GULP1: variants seen among roughly 807,000 people sequenced by gnomAD.
GULP1 encodes PTB domain-containing engulfment adapter protein 1.
In GULP1, 19 loss-of-function variants were observed where a neutral mutation model predicts 40.9. The ratio of observed to expected loss-of-function variants is 0.46; its 90% CI spans 0.32 to 0.68. The LOEUF (loss-of-function observed/expected upper bound fraction) is 0.68, where lower values mean the gene tolerates loss of function less well. GULP1 is among the 30% of genes least tolerant of loss of function. The pLI is 0.03. For missense variants in GULP1, 312 were observed against 362.2 expected (o/e 0.86, Z 1.12); for synonymous variants, 119 against 117.6 (o/e 1.01, Z -0.08).
intron 2 of GULP1, among the ~76,000 whole-genome samples, chr2:188,389,511 G>A (rs986921744): frequency 8.5e-5 from 13 of 152,106 alleles, no homozygotes; most frequent in Non-Finnish European, 1.6e-4. Flanking sequence ...TAAAAGCTGA[G>A]ATAAATGTAT....
At chr2:188,492,827 G>A (rs1451845754) in intron 4 of GULP1, among the ~76,000 whole-genome samples, 2 of 151,946 alleles carry the variant, frequency 1.3e-5, no homozygotes, top group African/African-American at 4.8e-5. Context: ...GATTATGAAA[G>A]TCATTAAGTG....
intron 2 of GULP1, among the ~76,000 whole-genome samples, chr2:188,420,262 A>G (rs1015335895): frequency 2.0e-5 from 3 of 152,184 alleles, no homozygotes; most frequent in African/African-American, 7.2e-5. Flanking sequence ...GAATGTGTAG[A>G]TTACTTTGAG....
chr2:188,379,874 T>G (rs764543001), intron 1 of GULP1, among the ~76,000 whole-genome samples: 1 of 152,232 alleles, frequency 6.6e-6, no homozygotes, highest in African/African-American at 2.4e-5. Flanking sequence ...CATCCGTGGC[T>G]TTCCCCACCA....
Position 188,505,550 on chromosome 2 carries a change from A to G in GULP1, c.91-17206A>G, listed in dbSNP as rs560777757. On this transcript the variant is annotated intron_variant, in intron 4 of 11. Transcript: ENST00000409830. Reference sequence around the variant, plus strand: ...AATGTATAGTATTCTATATAAATATAGAATCACACACTCTTCTGAGGTACT... The same window carrying G: ...AATGTATAGTATTCTATATAAATATGGAATCACACACTCTTCTGAGGTACT... 7.2e-5 allele frequency among the ~76,000 whole-genome samples: 11 copies of G among 151,942 alleles called. No homozygotes were observed. In the South Asian group the frequency reaches 2.3e-3, roughly 31 times the overall value.
chr2:188,298,370 A>T (rs1362113000), intron 1 of GULP1, among the ~76,000 whole-genome samples: 2 of 151,714 alleles, frequency 1.3e-5, no homozygotes, highest in African/African-American at 4.8e-5. Flanking sequence ...ATATAATTAG[A>T]GGGTGTTTAT....
At chr2:188,479,059 CAAA>C (rs996656876) in intron 3 of GULP1, among the ~76,000 whole-genome samples, 6 of 151,992 alleles carry the variant, frequency 3.9e-5, no homozygotes, top group African/African-American at 1.4e-4. Context: ...TAGTAAAGGA[CAAA>C]TAGGTGTAAA....
chr2:188,308,130 G>A (rs1204590136), intron 1 of GULP1, among the ~76,000 whole-genome samples: 2 of 150,008 alleles, frequency 1.3e-5, no homozygotes, highest in African/African-American at 2.5e-5. Flanking sequence ...TTTTTCCCCC[G>A]GTGGCCTGCA....
At chr2:188,555,774 A>T (rs1694585355) in intron 7 of GULP1, among the ~76,000 whole-genome samples, 1 of 152,084 alleles carries the variant, frequency 6.6e-6, no homozygotes, top group East Asian at 1.9e-4. Flanking sequence ...GAGAGTTTTC[A>T]TCTAGGCTGG....
At chr2:188,372,280 C>T (rs2047698655) in intron 1 of GULP1, among the ~76,000 whole-genome samples, 1 of 152,046 alleles carries the variant, frequency 6.6e-6, no homozygotes, top group Non-Finnish European at 1.5e-5. Context: ...CTAGTACTTT[C>T]TACTTACTAA....
intron 1 of GULP1, among the ~76,000 whole-genome samples, chr2:188,344,326 A>G (rs1034289750): frequency 6.6e-6 from 1 of 152,166 alleles, no homozygotes; most frequent in Admixed American, 6.5e-5. Context: ...GCAGATAGCT[A>G]TGGGCACCAG....
chr2:188,464,848 G>A (rs575938636), intron 2 of GULP1, among the ~76,000 whole-genome samples: 45 of 152,238 alleles, frequency 3.0e-4, no homozygotes, highest in African/African-American at 1.1e-3. Context: ...AGGCCTAATG[G>A]CTATTTAATC....
chr2:188,377,181 A>G, intron 1 of GULP1, among the ~76,000 whole-genome samples: 1 of 152,270 alleles, frequency 6.6e-6, no homozygotes, highest in East Asian at 1.9e-4. Context: ...CAAAAAAAAA[A>G]AAAGAAAGAA....
At chr2:188,514,085 G>GCGCA (rs1470912434) in intron 4 of GULP1, among the ~76,000 whole-genome samples, 50 of 150,970 alleles carry the variant, frequency 3.3e-4, no homozygotes, top group African/African-American at 1.2e-3. Context: ...GTGTGTGTGC[G>GCGCA]CCCTGCCACT....
At chr2:188,453,021 T>C (rs2058961081) in intron 2 of GULP1, among the ~76,000 whole-genome samples, 1 of 152,174 alleles carries the variant, frequency 6.6e-6, no homozygotes, top group East Asian at 1.9e-4. Context: ...TCTCACTATG[T>C]TGCCCAGGCT....
chr2:188,322,857 T>A (rs1036860401), intron 1 of GULP1, among the ~76,000 whole-genome samples: 2 of 152,098 alleles, frequency 1.3e-5, no homozygotes, highest in African/African-American at 4.8e-5. Flanking sequence ...GTCTTAGGTA[T>A]TTTCTCACTC....
At chr2:188,545,118 G>T (rs540996157) in intron 7 of GULP1, among the ~76,000 whole-genome samples, 2 of 151,902 alleles carry the variant, frequency 1.3e-5, no homozygotes, top group Non-Finnish European at 2.9e-5. Flanking sequence ...CCTGTCAAAT[G>T]ATCCTATATC....
At chr2:188,376,430 A>T (rs2048308094) in intron 1 of GULP1, among the ~76,000 whole-genome samples, 1 of 152,312 alleles carries the variant, frequency 6.6e-6, no homozygotes, top group African/African-American at 2.4e-5. Context: ...CTGTAAGGCA[A>T]CCTTTCCTAA....
At chr2:188,586,090 A>G (rs143575924) in intron 10 of GULP1, among the ~76,000 whole-genome samples, 1,927 of 152,228 alleles carry the variant, frequency 0.013, 50 homozygotes, top group African/African-American at 0.043. Flanking sequence ...CTCAAGTTCA[A>G]AGTTCCACAG....
At chr2:188,579,355 A>G (rs908386599) in intron 9 of GULP1, among the ~76,000 whole-genome samples, 1 of 151,996 alleles carries the variant, frequency 6.6e-6, no homozygotes, top group African/African-American at 2.4e-5. Flanking sequence ...CTGGATTTTA[A>G]TATGTAATCT....
Sources: allele counts gnomAD v4.1 joint callset (sites outside exome capture counted in the v4.1 genomes callset), GRCh38; gene constraint gnomAD v4.1.1; transcripts MANE v1.5; gene names NCBI Gene and HGNC (gene_info 2026-07-23, HGNC 2026-07-21).